The following CDYL2 variants were observed in gnomAD, a reference collection of about 807,000 sequenced individuals.
The protein encoded by CDYL2 is chromodomain Y-like protein 2.
CDYL2 carries 23 observed loss-of-function variants against 49.4 expected under a neutral mutation model. The ratio of observed to expected loss-of-function variants is 0.47; its 90% CI spans 0.34 to 0.66. CDYL2 has a LOEUF of 0.66. Among genes scored for constraint, CDYL2 ranks in the 30% least tolerant of loss-of-function variants. CDYL2 has a pLI of 0.01. For synonymous variants in CDYL2, 360 were observed against 268.8 expected, an observed-to-expected ratio of 1.34 and a Z score of -3.32; for missense variants, 678 against 656.4, an observed-to-expected ratio of 1.03 and a Z score of -0.36.
chr16:80,629,951 G>C (rs1249038356), intron 3 of CDYL2, among the ~76,000 whole-genome samples: 1 of 152,166 alleles, frequency 6.6e-6, no homozygotes, highest in Non-Finnish European at 1.5e-5. Flanking sequence ...AATCTTGCCA[G>C]CAAAATACTG....
intron 1 of CDYL2, among the ~76,000 whole-genome samples, chr16:80,749,155 T>C (rs1906042619): frequency 1.3e-5 from 2 of 152,232 alleles, no homozygotes; most frequent in South Asian, 2.1e-4. Flanking sequence ...GTGTGTTTTA[T>C]TATTTATACT....
intron 1 of CDYL2, among the ~76,000 whole-genome samples, chr16:80,694,048 T>A (rs188249154): frequency 6.6e-6 from 1 of 152,312 alleles, no homozygotes; most frequent in East Asian, 1.9e-4. Flanking sequence ...CCAACCTTTT[T>A]GGCACCAAGG....
At chr16:80,795,053 T>C (rs1203127716) in intron 1 of CDYL2, among the ~76,000 whole-genome samples, 1 of 152,184 alleles carries the variant, frequency 6.6e-6, no homozygotes, top group Non-Finnish European at 1.5e-5. Context: ...AATCCGGCAT[T>C]TGTATAAGTT....
chr16:80,686,258 G>T (rs1305690588), intron 1 of CDYL2, among the ~76,000 whole-genome samples: 1 of 152,136 alleles, frequency 6.6e-6, no homozygotes, highest in Non-Finnish European at 1.5e-5. Flanking sequence ...GCTAATAACT[G>T]TTGTATTTAA....
At chr16:80,740,192 C>A (rs988003328) in intron 1 of CDYL2, among the ~76,000 whole-genome samples, 10 of 152,202 alleles carry the variant, frequency 6.6e-5, no homozygotes, top group African/African-American at 1.7e-4. Context: ...GGAATGAGCA[C>A]GTCCAGGAAG....
rs370464247 is a variant in CDYL2 at position 80,613,791 on chromosome 16, C to A, written c.1008-955G>T. On this transcript the variant is annotated intron_variant, in intron 4 of 6. Coordinates refer to ENST00000570137, the MANE Select transcript of CDYL2 (RefSeq NM_152342.4). Reference sequence around the variant, plus strand: ...CAAGATGTCTAGTAAAGTCTGCATCCTTCGTTACTTTCAGAGGAAAGATTA... The same window carrying A: ...CAAGATGTCTAGTAAAGTCTGCATCATTCGTTACTTTCAGAGGAAAGATTA... Among the ~76,000 whole-genome samples the A allele has an allele frequency of 1.8e-4, 27 of 152,190 alleles. 1 individual carries two copies.
intron 1 of CDYL2, among the ~76,000 whole-genome samples, chr16:80,788,674 G>A (rs1289665474): frequency 1.3e-5 from 2 of 152,178 alleles, no homozygotes; most frequent in Admixed American, 1.3e-4. Flanking sequence ...TAGGATGACT[G>A]GCTTAAATGT....
intron 1 of CDYL2, among the ~76,000 whole-genome samples, chr16:80,729,904 G>A (rs1394686578): frequency 8.5e-5 from 13 of 152,066 alleles, no homozygotes; most frequent in African/African-American, 2.4e-4. Context: ...TGAAACCAAC[G>A]AGAACAAAGA....
intron 1 of CDYL2, among the ~76,000 whole-genome samples, chr16:80,727,134 C>A (rs1283819477): frequency 6.6e-6 from 1 of 152,222 alleles, no homozygotes; most frequent in East Asian, 1.9e-4. Flanking sequence ...CTACAGCTCC[C>A]AGCGTGAGTG....
At chr16:80,714,551 T>C (rs988248264) in intron 1 of CDYL2, among the ~76,000 whole-genome samples, 2 of 152,280 alleles carry the variant, frequency 1.3e-5, no homozygotes, top group Non-Finnish European at 2.9e-5. Flanking sequence ...TCACTATTTA[T>C]ATATCTGTTG....
chr16:80,618,122 T>A (rs1004486530), intron 4 of CDYL2, among the ~76,000 whole-genome samples: 2 of 152,192 alleles, frequency 1.3e-5, no homozygotes, highest in African/African-American at 4.8e-5. Flanking sequence ...CTTTGAAGCA[T>A]CGAGAAGAAT....
rs114981993 is a variant in CDYL2 at position 80,637,781 on chromosome 16, C to G, written c.617-4545G>C. Among the ~76,000 whole-genome samples the G allele has an allele frequency of 5.1e-3, 772 of 152,264 alleles. 3 individuals are homozygous for G. Among genetic ancestry groups the G allele is most frequent in the African/African-American group, 0.017 (725 of 41,554 alleles). On this transcript the variant is annotated intron_variant, in intron 2 of 6. Coordinates refer to ENST00000570137, the MANE Select transcript of CDYL2 (RefSeq NM_152342.4). Reference sequence around the variant, plus strand: ...GAATGTTCCCAAAACAAACACAAGACAAATGTTTGAGGTGATGGATATCTC... The same window carrying G: ...GAATGTTCCCAAAACAAACACAAGAGAAATGTTTGAGGTGATGGATATCTC...
chr16:80,609,665 C>T (rs1259381577), intron 5 of CDYL2, among the ~76,000 whole-genome samples: 1 of 152,134 alleles, frequency 6.6e-6, no homozygotes, highest in Non-Finnish European at 1.5e-5. Flanking sequence ...GAAGCTACTC[C>T]CTGGCAGGTG....
intron 2 of CDYL2, among the ~76,000 whole-genome samples, chr16:80,666,741 G>A (rs534977405): frequency 6.6e-6 from 1 of 152,276 alleles, no homozygotes; most frequent in South Asian, 2.1e-4. Context: ...GCCAGGGGAT[G>A]GGCAGCTTTG....
At chr16:80,762,251 T>C (rs1597120887) in intron 1 of CDYL2, among the ~76,000 whole-genome samples, 1 of 151,960 alleles carries the variant, frequency 6.6e-6, no homozygotes, top group Admixed American at 6.6e-5. Context: ...AGGAATAAAG[T>C]TCAAATGAAC....
intron 2 of CDYL2, among the ~76,000 whole-genome samples, chr16:80,674,452 T>C (rs1909660138): frequency 6.6e-6 from 1 of 152,222 alleles, no homozygotes; most frequent in Non-Finnish European, 1.5e-5. Context: ...AAAACAGCTT[T>C]ACTGAGATTT....
chr16:80,748,202 G>T lies in CDYL2; in HGVS notation c.24+55948C>A, dbSNP rs570779125. On this transcript the variant is annotated intron_variant, in intron 1 of 6. Transcript: ENST00000570137. Reference sequence around the variant, plus strand: ...AGAGCATAGGCTTGGGGCCAGAGGTGTAGGTCTGTGCCCTGGCTCTGCCTT... The same window carrying T: ...AGAGCATAGGCTTGGGGCCAGAGGTTTAGGTCTGTGCCCTGGCTCTGCCTT... 2.0e-5 allele frequency among the ~76,000 whole-genome samples: 3 copies of T among 148,900 alleles called. No homozygotes were observed. The East Asian group carries it at 5.8e-4, about 29-fold the overall frequency.
chr16:80,686,059 G>A (rs1183285393), intron 1 of CDYL2, among the ~76,000 whole-genome samples: 2 of 152,220 alleles, frequency 1.3e-5, no homozygotes, highest in African/African-American at 2.4e-5. Flanking sequence ...TTTGATAGAT[G>A]AAGATATTGC....
chr16:80,745,612 C>T (rs905876433), intron 1 of CDYL2, among the ~76,000 whole-genome samples: 3 of 152,142 alleles, frequency 2.0e-5, no homozygotes, highest in Non-Finnish European at 2.9e-5. Context: ...AGTGAGTAAA[C>T]GTCAGCTGTT....
Sources: gnomAD v4.1 joint callset for allele counts (sites outside exome capture counted in the v4.1 genomes callset) on GRCh38, gnomAD v4.1.1 for gene constraint, MANE v1.5 for transcripts, NCBI Gene and HGNC (gene_info 2026-07-23, HGNC 2026-07-21) for gene names.